PDE10A: variants seen among roughly 807,000 people sequenced by gnomAD.
The protein encoded by PDE10A is cAMP and cAMP-inhibited cGMP 3',5'-cyclic phosphodiesterase 10A.
PDE10A carries 39 observed loss-of-function variants against 97.7 expected under a neutral mutation model. The ratio of observed to expected loss-of-function variants is 0.40; its 90% CI spans 0.31 to 0.52. The LOEUF is 0.52. Ranked by LOEUF, PDE10A falls within the 20% of genes least tolerant of loss-of-function variation. PDE10A has a pLI of 0.56. For synonymous variants in PDE10A, 371 were observed against 376.8 expected, an observed-to-expected ratio of 0.98 and a Z score of 0.18; for missense variants, 731 against 1,047.8, an observed-to-expected ratio of 0.70 and a Z score of 4.17.
chr6:165,664,423 C>T (rs1055500858), upstream of PDE10A, among the ~76,000 whole-genome samples: 2 of 152,180 alleles, frequency 1.3e-5, no homozygotes, highest in African/African-American at 2.4e-5. Flanking sequence ...AAAGGACATG[C>T]TGGGGCTCCC....
chr6:165,619,122 G>GTGT lies in PDE10A; in HGVS notation c.865+42824_865+42825insACA, dbSNP rs1287728453. 2.1e-4 allele frequency among the ~76,000 whole-genome samples: 27 copies of GTGT among 126,452 alleles called. 5 individuals are homozygous for GTGT. The highest frequency in any genetic ancestry group is 3.1e-4 in the African/African-American group (8 of 26,022). 83.0% of individuals were successfully genotyped at this position (126,452 alleles called of 152,430 possible). A position where few individuals can be genotyped will look rare whatever the true frequency, so the allele number is the denominator to read the frequency against. ...GTGTAGTCTAGTGTAGTGTAGTCTA[G>GTGT]CATAGTCTAGTGTAGTGTAGTCTAG... On this transcript the variant is annotated intron_variant, in intron 1 of 21. Transcript: ENST00000539869.
At chr6:165,333,509 T>C (rs1781461659) in intron 21 of PDE10A, among the ~76,000 whole-genome samples, 1 of 152,136 alleles carries the variant, frequency 6.6e-6, no homozygotes, top group Admixed American at 6.5e-5. Context: ...GAACACTTGG[T>C]GACAACACGG....
chr6:165,737,546 A>T (rs187841480), intron 1 of PDE10A, among the ~76,000 whole-genome samples: 1 of 152,362 alleles, frequency 6.6e-6, no homozygotes, highest in Admixed American at 6.5e-5. Context: ...GAAAGAAAAA[A>T]ATATATGGTC....
At chr6:165,759,312 C>A (rs1426916599) in intron 1 of PDE10A, among the ~76,000 whole-genome samples, 1 of 152,106 alleles carries the variant, frequency 6.6e-6, no homozygotes, top group Non-Finnish European at 1.5e-5. Context: ...CTTAGTGACA[C>A]AGGGAAAGTA....
intron 1 of PDE10A, among the ~76,000 whole-genome samples, chr6:165,857,977 A>G (rs1353590021): frequency 6.6e-6 from 1 of 152,226 alleles, no homozygotes; most frequent in Non-Finnish European, 1.5e-5. Context: ...TTGTGCACAC[A>G]TGCAAACATA....
chr6:165,836,005 A>G (rs1333538304), intron 1 of PDE10A, among the ~76,000 whole-genome samples: 1 of 152,176 alleles, frequency 6.6e-6, no homozygotes, highest in African/African-American at 2.4e-5. Flanking sequence ...ATGGCCTTCT[A>G]TCGGGGAAAA....
At chr6:165,735,250 G>A (rs988411318) in intron 1 of PDE10A, among the ~76,000 whole-genome samples, 1 of 151,844 alleles carries the variant, frequency 6.6e-6, no homozygotes, top group East Asian at 1.9e-4. Context: ...TGGGTAGGTA[G>A]GTAGGAAGAT....
At chr6:165,799,011 A>G (rs1778906672) in intron 1 of PDE10A, among the ~76,000 whole-genome samples, 1 of 152,226 alleles carries the variant, frequency 6.6e-6, no homozygotes, top group Non-Finnish European at 1.5e-5. Flanking sequence ...CCCGGCCCCA[A>G]TCAAATACTA....
chr6:165,743,653 G>T (rs533697162), intron 1 of PDE10A, among the ~76,000 whole-genome samples: 2 of 152,308 alleles, frequency 1.3e-5, no homozygotes, highest in Admixed American at 6.5e-5. Context: ...TTGTCTATCA[G>T]TTTCCCCCTC....
chr6:165,375,290 A>ATTC lies in PDE10A; in HGVS notation c.2783+3901_2783+3903dup, dbSNP rs140355717. Among the ~76,000 whole-genome samples, 355 of 152,318 alleles carry ATTC rather than the reference A, an allele frequency of 2.3e-3. 2 individuals carry two copies. The highest frequency in any genetic ancestry group is 8.2e-3 in the African/African-American group (342 of 41,574). The stretch of plus-strand genomic sequence containing the variant: ...GCCAAGTTGTGAATGGAAAGAAAAA[A>ATTC]TTCTTCAAGGAAATTAAAAGGGCTA... On this transcript the variant is annotated intron_variant, in intron 18 of 21. Transcript: ENST00000539869.
chr6:165,444,760 G>A (rs1443158240), intron 5 of PDE10A, among the ~76,000 whole-genome samples: 2 of 151,670 alleles, frequency 1.3e-5, no homozygotes, highest in South Asian at 2.1e-4. Flanking sequence ...ATGAATGCAC[G>A]TTTTTAAATT....
chr6:165,757,592 C>T (rs1226987271), intron 1 of PDE10A, among the ~76,000 whole-genome samples: 1 of 152,054 alleles, frequency 6.6e-6, no homozygotes, highest in African/African-American at 2.4e-5. Context: ...TTCTAGATGA[C>T]ACTAATATGC....
At chr6:165,442,968 C>T (rs1790578525) in intron 5 of PDE10A, among the ~76,000 whole-genome samples, 1 of 151,764 alleles carries the variant, frequency 6.6e-6, no homozygotes, top group African/African-American at 2.4e-5. Flanking sequence ...AAAAAATAGT[C>T]GAACATGGTG....
intron 1 of PDE10A, among the ~76,000 whole-genome samples, chr6:165,944,049 G>A (rs367558544): frequency 6.6e-6 from 1 of 152,194 alleles, no homozygotes; most frequent in Non-Finnish European, 1.5e-5. Context: ...GAAGCCTCAG[G>A]AAACCCTCAA....
In PDE10A at chr6:165,921,123, G is replaced by A. The variant is rs139945928; in HGVS notation, c.-615+66406C>T. Among the ~76,000 whole-genome samples the A allele has an allele frequency of 3.4e-3, 518 of 152,346 alleles. 5 individuals carry two copies. Among genetic ancestry groups the A allele is most frequent in the Non-Finnish European group, 5.0e-3 (340 of 68,046 alleles). On this transcript the variant is annotated intron_variant, in intron 1 of 19. Coordinates refer to the PDE10A transcript ENST00000366882. ...TTTCAGATCTATGTACCAAAGCAGC[G>A]TGGGATTACGAATTTCCCCAGTGCC...
At chr6:165,747,585 G>GTT (rs199635400) in intron 1 of PDE10A, among the ~76,000 whole-genome samples, 28 of 148,288 alleles carry the variant, frequency 1.9e-4, no homozygotes, top group Admixed American at 9.5e-4. Context: ...AAATGATCAA[G>GTT]TTTTTTTTTT....
At chr6:165,417,779 T>C (rs220744) in intron 11 of PDE10A, among the ~76,000 whole-genome samples, 36,234 of 152,066 alleles carry the variant, frequency 0.24, 4,912 homozygotes, top group African/African-American at 0.36. Context: ...AGGCACACCT[T>C]GAGTTTCCCT....
chr6:165,334,732 T>C (rs867170200), intron 21 of PDE10A, among the ~76,000 whole-genome samples: 10 of 152,270 alleles, frequency 6.6e-5, no homozygotes, highest in Admixed American at 5.2e-4. Context: ...TTTAATAAAC[T>C]AACCAGGGAT....
At chr6:165,841,257 G>T (rs1780249704) in intron 1 of PDE10A, among the ~76,000 whole-genome samples, 1 of 152,174 alleles carries the variant, frequency 6.6e-6, no homozygotes. Flanking sequence ...AACAGGGCAG[G>T]CCCTCCCAAA....
Sources: gnomAD v4.1 joint callset for allele counts (sites outside exome capture counted in the v4.1 genomes callset) on GRCh38, gnomAD v4.1.1 for gene constraint, MANE v1.5 for transcripts, NCBI Gene and HGNC (gene_info 2026-07-23, HGNC 2026-07-21) for gene names.